RNGTT: variants seen among roughly 807,000 people sequenced by gnomAD.
RNGTT encodes the protein RNA guanylyltransferase and 5'-phosphatase, also known as mRNA-capping enzyme.
In RNGTT, 33 loss-of-function variants were observed where a neutral mutation model predicts 79.3. That is an observed-to-expected ratio of 0.42 (90% CI 0.32 to 0.56). The LOEUF is 0.56. RNGTT is among the 20% of genes least tolerant of loss of function. The probability of loss-of-function intolerance (pLI) is 0.17; values close to 1 mark genes in which losing one functional copy is unlikely to be tolerated. For synonymous variants in RNGTT, 222 were observed against 235.9 expected (o/e 0.94, Z 0.54); for missense variants, 497 against 739.1 (o/e 0.67, Z 3.80).
chr6:88,845,526 T>C (rs1053772127), intron 10 of RNGTT, among the ~76,000 whole-genome samples: 21 of 152,336 alleles, frequency 1.4e-4, no homozygotes, highest in Admixed American at 8.5e-4. Flanking sequence ...GCTACTCTTT[T>C]ATTTTGCAAC....
chr6:88,884,827 C>G (rs1031632078), intron 8 of RNGTT, among the ~76,000 whole-genome samples: 2 of 152,150 alleles, frequency 1.3e-5, no homozygotes, highest in African/African-American at 4.8e-5. Flanking sequence ...ACCAACTGTT[C>G]ACAAATATTA....
In RNGTT at chr6:88,892,747, A is replaced by C. The variant is rs886997305; in HGVS notation, c.685-832T>G. 3.9e-5 allele frequency among the ~76,000 whole-genome samples: 6 copies of C among 152,098 alleles called. No homozygotes were observed. In the East Asian group the frequency reaches 1.2e-3, roughly 29 times the overall value. ...AATCTATAAAACAATTCTAGCTGTT[A>C]ATGTAATTAGGCAATAAAAAAGTTA... is the stretch of plus-strand genomic sequence containing the variant. On this transcript the variant is annotated intron_variant, in intron 6 of 15. Coordinates refer to ENST00000369485, the MANE Select transcript of RNGTT (RefSeq NM_003800.5).
At chr6:88,821,943 AAAC>A (rs1172640265) in intron 11 of RNGTT, among the ~76,000 whole-genome samples, 3 of 152,050 alleles carry the variant, frequency 2.0e-5, no homozygotes, top group African/African-American at 7.2e-5. Context: ...GTCACCAAAC[AAAC>A]AACAACAAAA....
chr6:88,915,699 G>C (rs1157632636), intron 4 of RNGTT, among the ~76,000 whole-genome samples: 7 of 152,088 alleles, frequency 4.6e-5, no homozygotes, highest in South Asian at 2.1e-4. Context: ...ACCAACAGAA[G>C]CCCAAACTCC....
At chr6:88,769,942 C>A in intron 12 of RNGTT, 68 bp from the exon 13 acceptor site, 4 of 1,030,252 alleles carry the variant, frequency 3.9e-6, no homozygotes, top group Non-Finnish European at 5.7e-6. Flanking sequence ...ATGTATTAAA[C>A]CTAATGTAAC....
At chr6:88,881,819 C>T (rs1782701587) in intron 8 of RNGTT, among the ~76,000 whole-genome samples, 1 of 152,200 alleles carries the variant, frequency 6.6e-6, no homozygotes, top group Non-Finnish European at 1.5e-5. Flanking sequence ...TTTCAACCTA[C>T]TCCCACTGCC....
At chr6:88,938,349 C>A (rs565401308) in intron 2 of RNGTT, among the ~76,000 whole-genome samples, 2 of 152,276 alleles carry the variant, frequency 1.3e-5, no homozygotes, top group South Asian at 2.1e-4. Flanking sequence ...AGTTTAGCTA[C>A]TCCTGCTCAC....
intron 4 of RNGTT, among the ~76,000 whole-genome samples, chr6:88,910,140 G>A (rs764021576): frequency 2.0e-5 from 3 of 152,054 alleles, no homozygotes; most frequent in South Asian, 2.1e-4. Context: ...CAACCAGAAC[G>A]TAATGTCTGA....
intron 10 of RNGTT, among the ~76,000 whole-genome samples, chr6:88,845,309 T>C (rs560045132): frequency 2.0e-5 from 3 of 152,272 alleles, no homozygotes; most frequent in African/African-American, 4.8e-5. Flanking sequence ...TATAAAGAAA[T>C]AGTACTCTCC....
intron 11 of RNGTT, among the ~76,000 whole-genome samples, chr6:88,806,932 ATCCTTCAGGG>A (rs1779975874): frequency 6.6e-6 from 1 of 152,204 alleles, no homozygotes; most frequent in Non-Finnish European, 1.5e-5. Context: ...ACAAGATCGT[ATCCTTCAGGG>A]ACATGGATGG....
intron 13 of RNGTT, among the ~76,000 whole-genome samples, chr6:88,730,640 C>A (rs1463465948): frequency 6.6e-6 from 1 of 152,254 alleles, no homozygotes; most frequent in Non-Finnish European, 1.5e-5. Flanking sequence ...TAATGCTCAC[C>A]TCCTGCTGCG....
chr6:88,788,883 TAA>T (rs1779313875), intron 12 of RNGTT, among the ~76,000 whole-genome samples: 2 of 152,234 alleles, frequency 1.3e-5, no homozygotes, highest in Admixed American at 6.5e-5. Flanking sequence ...ACAAATATCC[TAA>T]GTTTTATTTC....
chr6:88,772,498 T>C (rs1778721030), intron 12 of RNGTT, among the ~76,000 whole-genome samples: 1 of 152,100 alleles, frequency 6.6e-6, no homozygotes, highest in African/African-American at 2.4e-5. Context: ...AAAGAGCTTC[T>C]GCACAGCAAA....
intron 6 of RNGTT, among the ~76,000 whole-genome samples, chr6:88,897,379 C>T (rs1270415494): frequency 6.6e-6 from 1 of 152,082 alleles, no homozygotes; most frequent in African/African-American, 2.4e-5. Flanking sequence ...AAGATATTTC[C>T]CTCCTATTGC....
chr6:88,620,566 T>C (rs1295692897), intron 14 of RNGTT, among the ~76,000 whole-genome samples: 10 of 152,204 alleles, frequency 6.6e-5, no homozygotes, highest in Admixed American at 6.5e-5. Flanking sequence ...AATCCTAAAA[T>C]AAACTACGTT....
intron 14 of RNGTT, among the ~76,000 whole-genome samples, chr6:88,657,507 A>G (rs2127780478): frequency 6.6e-6 from 1 of 152,280 alleles, no homozygotes; most frequent in East Asian, 1.9e-4. Context: ...ATAATTTCAA[A>G]TGAGCACAAG....
intron 8 of RNGTT, among the ~76,000 whole-genome samples, chr6:88,865,558 A>G (rs1340452296): frequency 6.6e-6 from 1 of 152,160 alleles, no homozygotes; most frequent in African/African-American, 2.4e-5. Flanking sequence ...ACACAAAGGC[A>G]GTCAACAACT....
intron 13 of RNGTT, among the ~76,000 whole-genome samples, chr6:88,713,489 T>C (rs1776389315): frequency 6.6e-6 from 1 of 152,186 alleles, no homozygotes; most frequent in Admixed American, 6.5e-5. Flanking sequence ...GTTCCCAAAT[T>C]CCAATTATTT....
At chr6:88,844,657 A>T in intron 10 of RNGTT, 136 bp from the exon 11 acceptor site, 7 of 697,152 alleles carry the variant, frequency 1.0e-5, no homozygotes, top group Non-Finnish European at 1.6e-5. Context: ...CAGCGTGCAC[A>T]AACATATATA....
Sources: gnomAD v4.1 joint callset for allele counts (sites outside exome capture counted in the v4.1 genomes callset) on GRCh38, gnomAD v4.1.1 for gene constraint, MANE v1.5 for transcripts, NCBI Gene and HGNC (gene_info 2026-07-23, HGNC 2026-07-21) for gene names.